The following PSG7 variants were observed in gnomAD, a reference collection of about 807,000 sequenced individuals.
The protein encoded by PSG7 is pregnancy-specific beta-1-glycoprotein 7.
Under a neutral mutation model 45.6 loss-of-function variants are expected in PSG7, and 57 were observed. The ratio of observed to expected loss-of-function variants is 1.25; its 90% CI spans 1.01 to 1.56. The LOEUF is 1.56. PSG7 is among the 40% of genes most tolerant of loss of function. The pLI is 0.00. For missense variants in PSG7, 796 were observed against 508.4 expected (o/e 1.57, Z -5.44); for synonymous variants, 298 against 194.4 (o/e 1.53, Z -4.43).
At chr19:42,934,760 A>C (rs1409581904) in intron 2 of PSG7, among the ~76,000 whole-genome samples, 2 of 151,528 alleles carry the variant, frequency 1.3e-5, no homozygotes, top group African/African-American at 4.9e-5. Context: ...AGGCCTCCTA[A>C]GGCAGTTGGC....
rs191124850 is a variant in PSG7, at chr19:42,926,596, C to G, written c.830G>C (p.Gly277Ala). 3 of 1,610,152 alleles carry G rather than the reference C, an allele frequency of 1.9e-6. No homozygotes were observed. Among genetic ancestry groups the G allele is most frequent in the East Asian group, 4.5e-5 (2 of 44,798 alleles). Residue 277 changes from glycine (G) to alanine (A), a missense_variant, in exon 4 of 6, where the codon GGT becomes GCT. Gly to Ala is a moderately conservative substitution (Grantham distance 60, BLOSUM62 0). Transcript: ENST00000406070. Reference protein sequence around the residue: ...ENYTYIWWLNGQSLPVSPRVK... With the variant: ...ENYTYIWWLNAQSLPVSPRVK... ...CCTGGGACTGACCGGGAGGCTCTGA[C>G]CATTTAGCCACCAAATGTAGGTGTA...
intron 3 of PSG7, chr19:42,927,065 C>A (rs1972911460): frequency 2.8e-6 from 1 of 354,152 alleles, no homozygotes. Context: ...CTGGAATGTG[C>A]AACTGCTGGG....
At chr19:42,928,780 C>A (rs569151934) in intron 3 of PSG7, among the ~76,000 whole-genome samples, 1 of 151,426 alleles carries the variant, frequency 6.6e-6, no homozygotes, top group African/African-American at 2.4e-5. Context: ...CTCCAGGGAT[C>A]CACTTACCAG....
At chr19:42,925,516 T>A in intron 5 of PSG7, 1 of 966,762 alleles carries the variant, frequency 1.0e-6, no homozygotes, top group South Asian at 2.1e-5. Context: ...AACATTATCC[T>A]CATTATTATC....
intron 3 of PSG7, chr19:42,927,312 T>G (rs1225993010): frequency 6.3e-6 from 1 of 158,100 alleles, no homozygotes; most frequent in Admixed American, 5.8e-5. Flanking sequence ...GGTGGGGCAG[T>G]TTTTTGCAGG....
chr19:42,925,249 T>C (rs758679024), intron 5 of PSG7: 11 of 303,192 alleles, frequency 3.6e-5, no homozygotes, highest in Non-Finnish European at 6.7e-5. Flanking sequence ...TTGAAATGTG[T>C]CCTGTTACAA....
rs192910761 is a variant in PSG7, at chr19:42,934,961, C to T, written c.430+443G>A. On this transcript the variant is annotated intron_variant, in intron 2 of 5. Coordinates refer to ENST00000406070, the MANE Select transcript of PSG7 (RefSeq NM_002783.3). ...CTGCCCAAGAAACCATAACCCAGTC[C>T]TGGCACAGGCTCCTCAGCTTTATCT... is the stretch of plus-strand genomic sequence containing the variant. Among the ~76,000 whole-genome samples, 114 of 151,760 alleles carry T rather than the reference C, an allele frequency of 7.5e-4. 1 individual carries two copies. The highest frequency in any genetic ancestry group is 2.7e-3 in the African/African-American group (111 of 41,364).
At position 42,927,187 on chromosome 19, in the gene PSG7, ACC is replaced by A. The variant is rs369226150; in HGVS notation, c.710-473_710-472del. On this transcript the variant is annotated intron_variant, in intron 3 of 5. Coordinates refer to ENST00000406070, the MANE Select transcript of PSG7 (RefSeq NM_002783.3). ...TAATGGGACTTCCCATTGTCCTGAA[ACC>A]CTGCAGATACTGAGCAGCCTGGCCT... 24 of 185,598 alleles carry A rather than the reference ACC, an allele frequency of 1.3e-4. 1 individual carries two copies. The East Asian group carries it at 1.6e-3, about 12-fold the overall frequency. The allele number at this position is 185,598 out of a possible 1,614,324, so 11.5% of individuals were successfully genotyped here.
chr19:42,936,988 C>T, intron 1 of PSG7, 25 bp downstream of exon 1: 3 of 1,609,194 alleles, frequency 1.9e-6, no homozygotes, highest in South Asian at 2.2e-5. Flanking sequence ...TTTTCCTGTC[C>T]TCTCCCAGGA....
intron 5 of PSG7, 151 bp downstream of exon 5, chr19:42,925,622 G>A: frequency 6.6e-7 from 1 of 1,506,704 alleles, no homozygotes; most frequent in Non-Finnish European, 8.9e-7. Context: ...GAAGTTCTTA[G>A]ACAAATTTGG....
In PSG7 at chr19:42,935,641, A is replaced by G. The variant is rs7245978; in HGVS notation, c.193T>C (p.Tyr65His). 1 of 1,612,178 alleles carries G rather than the reference A, an allele frequency of 6.2e-7. No individual in the cohort carries two copies. The highest frequency in any genetic ancestry group is 1.7e-4 in the Middle Eastern group (1 of 6,060). The change falls in exon 2 of 6, where the codon TAC becomes CAC. Residue 65 changes from tyrosine (Y) to histidine (H), a missense_variant. By Grantham distance (83) the Tyr-to-His change is moderately conservative (BLOSUM62 2). Transcript: ENST00000406070. ...VHNLPQNLTG[Y>H]IWYKGQIRDL... The stretch of plus-strand genomic sequence containing the variant: ...CTGATTTGTCCTTTGTACCAGATGT[A>G]GCCAGTAAGATTCTGGGGCAAATTG...
At chr19:42,935,065 C>G (rs750442190) in intron 2 of PSG7, among the ~76,000 whole-genome samples, 3 of 151,628 alleles carry the variant, frequency 2.0e-5, no homozygotes, top group Admixed American at 6.6e-5. Context: ...GGGGGCCCCT[C>G]AGGCCAAGCC....
At position 42,924,408 on chromosome 19, in the gene PSG7, C is replaced by T. The variant is rs564973950; in HGVS notation, c.*400G>A. The T allele has an allele frequency of 4.3e-4, 195 of 455,238 alleles. 3 individuals carry two copies. Among genetic ancestry groups the T allele is most frequent in the South Asian group, 1.4e-3 (19 of 13,534 alleles). 28.2% of individuals were successfully genotyped at this position (455,238 alleles called of 1,614,324 possible). A position where few individuals can be genotyped will look rare whatever the true frequency, so the allele number is the denominator to read the frequency against. ...ATGTAAAAGTCTGAGGTTGAGATGA[C>T]ATATCTGACACTCTGTTGTTACCCT... On this transcript the variant is annotated 3_prime_UTR_variant, in exon 6 of 6. Coordinates refer to ENST00000406070, the MANE Select transcript of PSG7 (RefSeq NM_002783.3).
intron 2 of PSG7, among the ~76,000 whole-genome samples, chr19:42,932,934 T>A (rs1337252820): frequency 6.6e-6 from 1 of 150,924 alleles, no homozygotes; most frequent in Non-Finnish European, 1.5e-5. Flanking sequence ...TTGTAGAACG[T>A]GAGATTGGTC....
chr19:42,931,288 G>T (rs1407523872), intron 2 of PSG7, among the ~76,000 whole-genome samples: 1 of 151,520 alleles, frequency 6.6e-6, no homozygotes, highest in Non-Finnish European at 1.5e-5. Flanking sequence ...ATGAGGTTTA[G>T]GTGTGCCGTG....
rs777878837 is a variant in PSG7, at chr19:42,926,709, C to T, written c.717G>A (p.Leu239=). 6.2e-7 allele frequency: 1 copy of T among 1,610,290 alleles called. No individual in the cohort carries two copies. Among genetic ancestry groups the T allele is most frequent in the Non-Finnish European group, 8.5e-7 (1 of 1,178,904 alleles). The part of the protein sequence containing the change: ...DPVTLNLLPK[L]PKPYITINNL... ...TATTGATGGTGATGTAGGGCTTGGGCAGCTTCGCTGTGTGAATAACAGAGA... is the reference window on the plus strand; with the variant it reads ...TATTGATGGTGATGTAGGGCTTGGGTAGCTTCGCTGTGTGAATAACAGAGA... Residue 239 remains leucine (L), a synonymous_variant, in exon 4 of 6, where the codon CTG becomes CTA. Coordinates refer to ENST00000406070, the MANE Select transcript of PSG7 (RefSeq NM_002783.3).
Position 42,926,727 on chromosome 19 carries a change from A to G in PSG7, c.710-11T>C. On this transcript the variant is annotated splice_polypyrimidine_tract_variant and intron_variant, in intron 3 of 5. Coordinates refer to ENST00000406070, the MANE Select transcript of PSG7 (RefSeq NM_002783.3). ...GCTTGGGCAGCTTCGCTGTGTGAAT[A>G]ACAGAGAGAAGATTGTCCTGTGTGG... The G allele has an allele frequency of 6.2e-7, 1 of 1,609,726 alleles. No homozygotes were observed. The highest frequency in any genetic ancestry group is 1.1e-5 in the South Asian group (1 of 90,492).
At chr19:42,927,070 G>A in intron 3 of PSG7, 1 of 336,586 alleles carries the variant, frequency 3.0e-6, no homozygotes, top group Non-Finnish European at 5.4e-6. Flanking sequence ...ATGTGCAACT[G>A]CTGGGCCCTT....
rs764116872 is a variant in PSG7, at chr19:42,929,393, G to A, written c.709+49C>T. The A allele has an allele frequency of 5.0e-6, 8 of 1,611,596 alleles. No homozygotes were observed. In the East Asian group the frequency reaches 6.7e-5, roughly 13 times the overall value. On this transcript the variant is annotated intron_variant, in intron 3 of 5. Transcript: ENST00000406070. The stretch of plus-strand genomic sequence containing the variant: ...ACTGAGAAGCCCGGCCTCTGGCCAT[G>A]TGTATTTGGGATGGCAGCCTGGCTA...
Sources: gnomAD v4.1 joint callset for allele counts (sites outside exome capture counted in the v4.1 genomes callset) on GRCh38, gnomAD v4.1.1 for gene constraint, MANE v1.5 for transcripts, NCBI Gene and HGNC (gene_info 2026-07-23, HGNC 2026-07-21) for gene names.